The following SH3GL3 variants were observed in gnomAD, a reference collection of about 807,000 sequenced individuals.
SH3GL3 encodes SH3 domain containing GRB2 like 3, endophilin A3, also known as endophilin-A3.
In SH3GL3, 33 loss-of-function variants were observed where a neutral mutation model predicts 47.7. The ratio of observed to expected loss-of-function variants is 0.69; its 90% CI spans 0.52 to 0.92. SH3GL3 has a LOEUF of 0.92. Ranked by LOEUF, SH3GL3 falls within the 40% of genes least tolerant of loss-of-function variation. SH3GL3 has a pLI of 0.00. For missense variants in SH3GL3, 363 were observed against 417.8 expected, an observed-to-expected ratio of 0.87 and a Z score of 1.14; for synonymous variants, 155 against 148.8, an observed-to-expected ratio of 1.04 and a Z score of -0.30.
In SH3GL3 at chr15:83,528,162, C is replaced by T. The variant is rs553362038; in HGVS notation, c.46-31091C>T. Reference sequence around the variant, plus strand: ...GCTTGTAATCTTTCTGCTTAGAAATCTGCTATTAGTCTGATGGGGGGCAGT... The same window carrying T: ...GCTTGTAATCTTTCTGCTTAGAAATTTGCTATTAGTCTGATGGGGGGCAGT... On this transcript the variant is annotated intron_variant, in intron 1 of 8. Transcript: ENST00000427482. 2.2e-4 allele frequency among the ~76,000 whole-genome samples: 33 copies of T among 152,262 alleles called. 1 individual carries two copies. In the South Asian group the frequency reaches 6.6e-3, roughly 31 times the overall value.
At chr15:83,486,628 G>A (rs2041609801) in intron 1 of SH3GL3, among the ~76,000 whole-genome samples, 1 of 151,940 alleles carries the variant, frequency 6.6e-6, no homozygotes, top group Non-Finnish European at 1.5e-5. Flanking sequence ...ACCATAATTT[G>A]TCTATTCATT....
In SH3GL3 at chr15:83,606,859, G is replaced by A. The variant is rs954156580; in HGVS notation, c.839-11223G>A. On this transcript the variant is annotated intron_variant, in intron 8 of 8. Transcript: ENST00000427482. ...AGTAGTTGTCTTTTGTGAGTACTTA[G>A]CATTCTTAATAATTTGAAATGTGGA... Among the ~76,000 whole-genome samples the A allele has an allele frequency of 2.0e-5, 3 of 152,096 alleles. No homozygotes were observed. In the South Asian group the frequency reaches 6.2e-4, roughly 32 times the overall value.
chr15:83,612,144 G>A (rs748665275), intron 8 of SH3GL3, among the ~76,000 whole-genome samples: 1 of 152,124 alleles, frequency 6.6e-6, no homozygotes, highest in South Asian at 2.1e-4. Flanking sequence ...TGACTTAGGC[G>A]ATTCCAGATT....
At chr15:83,543,816 A>G (rs1010762337) in intron 1 of SH3GL3, among the ~76,000 whole-genome samples, 3 of 152,090 alleles carry the variant, frequency 2.0e-5, no homozygotes, top group African/African-American at 7.2e-5. Flanking sequence ...TGTTGCTCAT[A>G]GTAGTCTCTA....
chr15:83,632,888 AG>A, the SH3GL3 span, among the ~76,000 whole-genome samples: 1 of 152,230 alleles, frequency 6.6e-6, no homozygotes, highest in Admixed American at 6.5e-5. Context: ...AATGGTCAAA[AG>A]ATTTGGAGAG....
chr15:83,525,904 G>A (rs956846785), intron 1 of SH3GL3, among the ~76,000 whole-genome samples: 6 of 152,056 alleles, frequency 3.9e-5, no homozygotes, highest in Non-Finnish European at 7.4e-5. Flanking sequence ...TGCTGATACC[G>A]TGATGCTTTG....
At chr15:83,591,576 A>G (rs1431720704) in intron 8 of SH3GL3, among the ~76,000 whole-genome samples, 2 of 152,144 alleles carry the variant, frequency 1.3e-5, no homozygotes, top group Non-Finnish European at 1.5e-5. Flanking sequence ...AGGCAAATGT[A>G]GTTACCTCTA....
chr15:83,586,054 C>A (rs551752575), intron 6 of SH3GL3, among the ~76,000 whole-genome samples: 83 of 152,248 alleles, frequency 5.5e-4, no homozygotes, highest in African/African-American at 2.0e-3. Context: ...TTTGGGGAAG[C>A]CTGGGAAGTG....
chr15:83,534,823 G>A (rs556253772), intron 1 of SH3GL3, among the ~76,000 whole-genome samples: 2 of 152,118 alleles, frequency 1.3e-5, no homozygotes, highest in East Asian at 1.9e-4. Flanking sequence ...TAATTTTGTT[G>A]TTGTTGTTAA....
intron 1 of SH3GL3, among the ~76,000 whole-genome samples, chr15:83,496,596 G>T (rs939631899): frequency 2.0e-5 from 3 of 152,044 alleles, no homozygotes; most frequent in Non-Finnish European, 4.4e-5. Context: ...CTCTTGTCAC[G>T]CTGAAGGGTC....
chr15:83,489,268 T>C (rs996582878), intron 1 of SH3GL3: 8 of 152,200 alleles, frequency 5.3e-5, no homozygotes, highest in African/African-American at 1.7e-4. Flanking sequence ...AGTGAATACC[T>C]ACACGTGAAG....
intron 1 of SH3GL3, among the ~76,000 whole-genome samples, chr15:83,462,794 A>C (rs1170729974): frequency 1.3e-5 from 2 of 152,256 alleles, no homozygotes; most frequent in Non-Finnish European, 2.9e-5. Context: ...TGACATCCAG[A>C]CAAACAAAGC....
At chr15:83,563,470 T>A (rs1200968788) in intron 2 of SH3GL3, among the ~76,000 whole-genome samples, 1 of 152,226 alleles carries the variant, frequency 6.6e-6, no homozygotes, top group Non-Finnish European at 1.5e-5. Flanking sequence ...AAACGTATCA[T>A]TTTGCATTCC....
chr15:83,457,496 C>G (rs574956221), intron 1 of SH3GL3, among the ~76,000 whole-genome samples: 30 of 152,286 alleles, frequency 2.0e-4, no homozygotes, highest in Non-Finnish European at 3.8e-4. Context: ...GGGGCCTGGA[C>G]GTATTCCCTG....
chr15:83,513,185 A>T (rs1420745209), intron 1 of SH3GL3, among the ~76,000 whole-genome samples: 1 of 152,168 alleles, frequency 6.6e-6, no homozygotes. Flanking sequence ...GAGGCGTGGG[A>T]TTGGAAGGGT....
At chr15:83,467,948 C>T (rs1193106531) in intron 1 of SH3GL3, among the ~76,000 whole-genome samples, 1 of 152,176 alleles carries the variant, frequency 6.6e-6, no homozygotes, top group Non-Finnish European at 1.5e-5. Flanking sequence ...CTGCCTCAGC[C>T]TCCCGAGTAG....
chr15:83,480,013 G>T (rs1192727204), intron 1 of SH3GL3, among the ~76,000 whole-genome samples: 4 of 152,190 alleles, frequency 2.6e-5, no homozygotes, highest in Admixed American at 1.3e-4. Context: ...ATTATTCATT[G>T]AGTTTCTTCA....
the SH3GL3 span, among the ~76,000 whole-genome samples, chr15:83,628,110 G>A: frequency 6.6e-6 from 1 of 152,206 alleles, no homozygotes; most frequent in Non-Finnish European, 1.5e-5. Flanking sequence ...AGGCTGCCCA[G>A]CTTCTAAGTG....
Position 83,586,986 on chromosome 15 carries a change from G to A in SH3GL3, c.628G>A (p.Glu210Lys). The change falls in exon 7 of 9, where the codon GAA becomes AAA. Residue 210 changes from glutamate (E) to lysine (K), a missense_variant. By Grantham distance (56) the Glu-to-Lys change is moderately conservative. Coordinates refer to ENST00000427482, the MANE Select transcript of SH3GL3 (RefSeq NM_003027.5). The stretch of plus-strand genomic sequence containing the variant: ...TAATTTTGCACTTCTGCTGCAGGTA[G>A]AACAAGTCAGCCAGTTGGCTGTGTT... ...SMFNFLENDV[E>K]QVSQLAVFIE... The A allele has an allele frequency of 6.3e-7, 1 of 1,596,030 alleles. No individual in the cohort carries two copies. The highest frequency in any genetic ancestry group is 8.6e-7 in the Non-Finnish European group (1 of 1,168,834).
Sources: allele counts gnomAD v4.1 joint callset (sites outside exome capture counted in the v4.1 genomes callset), GRCh38; gene constraint gnomAD v4.1.1; transcripts MANE v1.5; gene names NCBI Gene and HGNC (gene_info 2026-07-23, HGNC 2026-07-21).